Variants in NKAIN4 observed in about 807,000 individuals in gnomAD.
NKAIN4 encodes the protein sodium/potassium-transporting ATPase subunit beta-1-interacting protein 4.
NKAIN4 carries 28 observed loss-of-function variants against 28.8 expected under a neutral mutation model. That is an observed-to-expected ratio of 0.97 (90% CI 0.72 to 1.33). The LOEUF (loss-of-function observed/expected upper bound fraction) is 1.33, where lower values mean the gene tolerates loss of function less well. Ranked by LOEUF, NKAIN4 falls within the 40% of genes most tolerant of loss-of-function variation. The pLI, the probability that NKAIN4 is intolerant of heterozygous loss-of-function variation, is 0.00. For synonymous variants in NKAIN4, 122 were observed against 115.6 expected (o/e 1.06, Z -0.36); for missense variants, 289 against 277.2 (o/e 1.04, Z -0.30).
In NKAIN4 at chr20:63,247,615, A is replaced by C; in HGVS notation, c.434T>G (p.Val145Gly). ...GAGCALEPSY[V>G]EALHSCLQIL... ...CTGCAGGCAACTGTGTAGGGCCTCC[A>C]CATAGCTGGGCTCCAGGGCACAGCC... Residue 145 changes from valine (V) to glycine (G), a missense_variant, in exon 4 of 7, where the codon GTG becomes GGG. Coordinates refer to ENST00000370316, the MANE Select transcript of NKAIN4 (RefSeq NM_152864.4). 6.5e-7 allele frequency: 1 copy of C among 1,547,726 alleles called. No individual in the cohort carries two copies. The highest frequency in any genetic ancestry group is 8.7e-7 in the Non-Finnish European group (1 of 1,145,548).
At chr20:63,249,682 G>A (rs1253549288) in intron 2 of NKAIN4, among the ~76,000 whole-genome samples, 4 of 151,942 alleles carry the variant, frequency 2.6e-5, no homozygotes, top group South Asian at 2.1e-4. Flanking sequence ...GGATGAATTC[G>A]TGAAGGCGTT....
intron 5 of NKAIN4, among the ~76,000 whole-genome samples, 161 bp from the exon 6 acceptor site, chr20:63,242,784 G>A (rs2066780097): frequency 7.0e-6 from 1 of 142,128 alleles, no homozygotes; most frequent in African/African-American, 2.7e-5. Flanking sequence ...GGCCTGGGGG[G>A]ACGGGGGGGG....
intron 6 of NKAIN4, 144 bp from the exon 7 acceptor site, chr20:63,241,650 G>C (rs561318004): frequency 3.8e-4 from 283 of 752,110 alleles, no homozygotes; most frequent in Middle Eastern, 3.6e-3. Context: ...AAGGAGATGG[G>C]TGGGACTGAG....
intron 5 of NKAIN4, 173 bp downstream of exon 5, chr20:63,243,851 C>T: frequency 1.7e-6 from 1 of 599,484 alleles, no homozygotes; most frequent in Non-Finnish European, 3.0e-6. Context: ...TAATCTCTTC[C>T]CTGGTGTGTG....
chr20:63,248,948 T>A, intron 2 of NKAIN4, 53 bp from the exon 3 acceptor site: 1 of 1,249,292 alleles, frequency 8.0e-7, no homozygotes, highest in Non-Finnish European at 1.2e-6. Context: ...CGGGCACACC[T>A]GCTTGCATCC....
chr20:63,244,407 G>A, intron 4 of NKAIN4: 2 of 509,034 alleles, frequency 3.9e-6, no homozygotes, highest in East Asian at 1.1e-4. Flanking sequence ...GGACACAGAA[G>A]CCCAGGCTGG....
chr20:63,243,553 ACT>A (rs1253713206), intron 5 of NKAIN4, among the ~76,000 whole-genome samples: 3 of 152,084 alleles, frequency 2.0e-5, no homozygotes, highest in African/African-American at 7.2e-5. Context: ...AGTGTGGACC[ACT>A]CGTGTTGCAA....
intron 5 of NKAIN4, among the ~76,000 whole-genome samples, chr20:63,243,374 T>A (rs769870993): frequency 2.0e-5 from 3 of 151,922 alleles, no homozygotes; most frequent in Non-Finnish European, 4.4e-5. Flanking sequence ...GGACAGATGG[T>A]TCTGAACTGG....
intron 4 of NKAIN4, chr20:63,247,070 G>A (rs773908457): frequency 1.2e-5 from 12 of 1,030,882 alleles, no homozygotes; most frequent in Non-Finnish European, 1.4e-5. Context: ...TCAGACCTGG[G>A]TCACGTGGCG....
rs368735777 is a variant in NKAIN4, at chr20:63,252,351, C to G, written c.54+2046G>C. ...AGCCTGGGAATTGGACGCAGCACAG[C>G]CCGGCTCAGAGCCAGCAAAGTTCAC... On this transcript the variant is annotated intron_variant, in intron 1 of 6. Coordinates refer to ENST00000370316, the MANE Select transcript of NKAIN4 (RefSeq NM_152864.4). This position sits in a 1 kb window ranked among gnomAD's most constrained non-coding sequence, Gnocchi z 4.6. 5.3e-5 allele frequency among the ~76,000 whole-genome samples: 8 copies of G among 152,118 alleles called. No homozygotes were observed. Among genetic ancestry groups the G allele is most frequent in the African/African-American group, 1.7e-4 (7 of 41,424 alleles).
In NKAIN4 at chr20:63,245,291, G is replaced by A. The variant is rs1439111002; in HGVS notation, c.472-1207C>T. Among the ~76,000 whole-genome samples, 1 of 152,166 alleles carries A rather than the reference G, an allele frequency of 6.6e-6. No individual in the cohort carries two copies. The highest frequency in any genetic ancestry group is 1.5e-5 in the Non-Finnish European group (1 of 68,016). Reference sequence around the variant, plus strand: ...CTGGTTCCATGCCACGGCCAGGGTGGGAGCAGCGGTGAGGGTGGGCAACCT... The same window carrying A: ...CTGGTTCCATGCCACGGCCAGGGTGAGAGCAGCGGTGAGGGTGGGCAACCT... On this transcript the variant is annotated intron_variant, in intron 4 of 6. Transcript: ENST00000370316. This position sits in a 1 kb window ranked among gnomAD's most constrained non-coding sequence, Gnocchi z 4.7.
At chr20:63,250,198 T>TCGTCAAACAAAGG in intron 1 of NKAIN4, 126 bp from the exon 2 acceptor site, 1 of 1,127,818 alleles carries the variant, frequency 8.9e-7, no homozygotes, top group Non-Finnish European at 1.2e-6. Flanking sequence ...CACCACACCT[T>TCGTCAAACAAAGG]TGTTTGACGA....
upstream of NKAIN4, chr20:63,254,625 C>A: frequency 2.2e-6 from 1 of 449,960 alleles, no homozygotes; most frequent in Non-Finnish European, 3.6e-6. Context: ...CTGCGTCTCC[C>A]CTCCCACCCC....
upstream of NKAIN4, chr20:63,254,642 C>A (rs972941146): frequency 2.4e-6 from 1 of 415,314 alleles, no homozygotes; most frequent in Non-Finnish European, 4.0e-6. Flanking sequence ...CCCCCGCCTG[C>A]GGCCCCTGGG....
At chr20:63,248,460 G>A in intron 3 of NKAIN4, 1 of 226,912 alleles carries the variant, frequency 4.4e-6, no homozygotes, top group Non-Finnish European at 9.0e-6. Flanking sequence ...CTGGAGGGTT[G>A]GTCGGGCTGG....
intron 4 of NKAIN4, among the ~76,000 whole-genome samples, chr20:63,246,052 C>A (rs530694584): frequency 6.6e-6 from 1 of 152,216 alleles, no homozygotes; most frequent in Non-Finnish European, 1.5e-5. Flanking sequence ...TTCAGCCTCC[C>A]GAGGAGCTGG....
At chr20:63,246,701 C>CCAGCGA in intron 4 of NKAIN4, 1 of 972,710 alleles carries the variant, frequency 1.0e-6, no homozygotes. Flanking sequence ...AGAAGTTCCT[C>CCAGCGA]CAGCGACGGC....
chr20:63,248,656 A>G lies in NKAIN4; in HGVS notation c.273+159T>C, dbSNP rs536402112. On this transcript the variant is annotated intron_variant, in intron 3 of 6. Coordinates refer to ENST00000370316, the MANE Select transcript of NKAIN4 (RefSeq NM_152864.4). ...TCCCCAAACCTTTACTGAGTTACCA[A>G]CTACAGACCAGGGCTGTTCTGGGTG... 78 of 605,362 alleles carry G rather than the reference A, an allele frequency of 1.3e-4. No homozygotes were observed. In the African/African-American group the frequency reaches 1.4e-3, roughly 11 times the overall value. The allele number at this position is 605,362 out of a possible 1,614,324, so 37.5% of individuals were successfully genotyped here.
At chr20:63,243,926 T>C in intron 5 of NKAIN4, 98 bp downstream of exon 5, 2 of 993,496 alleles carry the variant, frequency 2.0e-6, no homozygotes, top group South Asian at 1.5e-5. Flanking sequence ...CCCTTCCAAG[T>C]GGGGAGGTCT....
Sources: allele counts gnomAD v4.1 joint callset (sites outside exome capture counted in the v4.1 genomes callset), GRCh38; gene constraint gnomAD v4.1.1; non-coding constraint Gnocchi (gnomAD v3.1); transcripts MANE v1.5; gene names NCBI Gene and HGNC (gene_info 2026-07-23, HGNC 2026-07-21).